Variants in AXDND1 observed in about 807,000 individuals in gnomAD.
AXDND1 encodes axonemal dynein light chain domain-containing protein 1.
In AXDND1, 110 loss-of-function variants were observed where a neutral mutation model predicts 137.5. The observed-to-expected ratio is 0.80, with a 90% CI of 0.69 to 0.94. The LOEUF is 0.94. Among genes scored for constraint, AXDND1 ranks in the 40% least tolerant of loss-of-function variants. The probability of loss-of-function intolerance (pLI) is 0.00; values close to 1 mark genes in which losing one functional copy is unlikely to be tolerated. For missense variants in AXDND1, 1,191 were observed against 1,169.8 expected, an observed-to-expected ratio of 1.02 and a Z score of -0.26; for synonymous variants, 414 against 399.7, an observed-to-expected ratio of 1.04 and a Z score of -0.43.
intron 4 of AXDND1, among the ~76,000 whole-genome samples, chr1:179,374,861 G>A (rs1214344313): frequency 6.7e-6 from 1 of 150,296 alleles, no homozygotes; most frequent in African/African-American, 2.5e-5. Context: ...ACATTAGGAG[G>A]AATACCTAAT....
chr1:179,366,552 TCAA>T lies in AXDND1; in HGVS notation c.46_48del (p.Thr16del). On this transcript the variant is annotated inframe_deletion, in exon 2 of 26. Transcript: ENST00000367618. ...GCCCTCCACCCCGCTAAACTCTACA[TCAA>T]CATCTGAGAGCAAAAAGTTAAAAGT... The T allele has an allele frequency of 6.2e-7, 1 of 1,613,736 alleles. No individual in the cohort carries two copies. The highest frequency in any genetic ancestry group is 8.5e-7 in the Non-Finnish European group (1 of 1,179,810).
intron 23 of AXDND1, among the ~76,000 whole-genome samples, chr1:179,532,768 C>T (rs1671148706): frequency 6.6e-6 from 1 of 151,944 alleles, no homozygotes; most frequent in Non-Finnish European, 1.5e-5. Flanking sequence ...ACCTGTAGTC[C>T]CAGCCACTTG....
rs376189496 is a variant in AXDND1, at chr1:179,488,634, C to CTTTCTTTCTTTCTTTCTTTTT, written c.2092-2904_2092-2903insTTTCTTTCTTTCTTTCTTTTT. Reference sequence around the variant, plus strand: ...TTTCTTTCTTTCTCTCTCTCTCTCTCCTTTCTTTCTTTCTTTCTTTCTTTC... The same window carrying CTTTCTTTCTTTCTTTCTTTTT: ...TTTCTTTCTTTCTCTCTCTCTCTCTCTTTCTTTCTTTCTTTCTTTTTCTTTCTTTCTTTCTTTCTTTCTTTC... On this transcript the variant is annotated intron_variant, in intron 18 of 25. Coordinates refer to ENST00000367618, the MANE Select transcript of AXDND1 (RefSeq NM_144696.6). 2.9e-5 allele frequency among the ~76,000 whole-genome samples: 3 copies of CTTTCTTTCTTTCTTTCTTTTT among 105,254 alleles called. 1 individual carries two copies. The highest frequency in any genetic ancestry group is 1.2e-4 in the African/African-American group (3 of 25,654). The allele number at this position is 105,254 out of a possible 152,430, so 69.1% of individuals were successfully genotyped here.
intron 9 of AXDND1, among the ~76,000 whole-genome samples, chr1:179,391,806 G>A (rs1343658207): frequency 6.6e-6 from 1 of 152,080 alleles, no homozygotes; most frequent in Non-Finnish European, 1.5e-5. Flanking sequence ...CCAAAGTGCT[G>A]GGATTACAGG....
At chr1:179,396,776 T>C (rs1651145251) in intron 11 of AXDND1, among the ~76,000 whole-genome samples, 1 of 152,228 alleles carries the variant, frequency 6.6e-6, no homozygotes, top group Admixed American at 6.5e-5. Context: ...AATTATAATT[T>C]ATGTATTAAT....
chr1:179,534,007 C>A, intron 24 of AXDND1, 130 bp downstream of exon 24: 1 of 682,246 alleles, frequency 1.5e-6, no homozygotes, highest in Middle Eastern at 2.5e-4. Context: ...GGATGTGTAT[C>A]TCCACATGTT....
chr1:179,430,535 A>C lies in AXDND1; in HGVS notation c.1416A>C (p.Gln472His), dbSNP rs780210909. The change falls in exon 14 of 26, where the codon CAA becomes CAC. Residue 472 changes from glutamine to histidine, a missense_variant. By Grantham distance (24) the Gln-to-His change is conservative. Coordinates refer to ENST00000367618, the MANE Select transcript of AXDND1 (RefSeq NM_144696.6). ...ATAAACTTAAACAAGAGGTAGAACA[A>C]ATGGAAGAGTCTACAAGCGAGACAC... ...LVNKLKQEVE[Q>H]MEESTSETLK... 4 of 1,613,988 alleles carry C rather than the reference A, an allele frequency of 2.5e-6. No individual in the cohort carries two copies. In the Admixed American group the frequency reaches 6.7e-5, roughly 27 times the overall value.
chr1:179,411,526 A>G (rs761256569), intron 12 of AXDND1, among the ~76,000 whole-genome samples: 8 of 151,754 alleles, frequency 5.3e-5, no homozygotes, highest in Admixed American at 1.3e-4. Context: ...GCAGTTTTCA[A>G]TAATCTAGAC....
At chr1:179,535,045 C>T (rs565672336) in intron 25 of AXDND1, 83 bp downstream of exon 25, 6 of 1,576,910 alleles carry the variant, frequency 3.8e-6, no homozygotes, top group South Asian at 2.3e-5. Flanking sequence ...TGTAGAAGAA[C>T]ATTAATATAT....
At chr1:179,530,921 C>T (rs746778504) in intron 23 of AXDND1, among the ~76,000 whole-genome samples, 6 of 152,168 alleles carry the variant, frequency 3.9e-5, no homozygotes, top group Non-Finnish European at 8.8e-5. Flanking sequence ...GGGACCACAG[C>T]ATTGCAGTAA....
At position 179,533,855 on chromosome 1, in the gene AXDND1, G is replaced by C. The variant is rs78751980; in HGVS notation, c.2776G>C (p.Glu926Gln). Residue 926 changes from glutamate to glutamine, a missense_variant, in exon 24 of 26, where the codon GAA becomes CAA. Transcript: ENST00000367618. ...QKYLEAMAVI[E>Q]HMQEKLLEVE... is the part of the protein sequence containing the mutation. ...ATATCTTGAAGCAATGGCTGTAATT[G>C]AACATATGCAGGAGAAGTTACTGTA... The C allele has an allele frequency of 1.9e-6, 3 of 1,612,964 alleles. No individual in the cohort carries two copies. The East Asian group carries it at 6.7e-5, about 36-fold the overall frequency.
intron 11 of AXDND1, among the ~76,000 whole-genome samples, chr1:179,406,610 CTTCT>C (rs1291470119): frequency 6.6e-6 from 1 of 152,010 alleles, no homozygotes; most frequent in East Asian, 1.9e-4. Flanking sequence ...ATATAATGAA[CTTCT>C]TTGTCTCTTT....
chr1:179,525,546 G>C lies in AXDND1; in HGVS notation c.2610+99G>C, dbSNP rs1254234799. 5.9e-6 allele frequency: 8 copies of C among 1,361,162 alleles called. No individual in the cohort carries two copies. In the South Asian group the frequency reaches 1.1e-4, roughly 18 times the overall value. The allele number at this position is 1,361,162 out of a possible 1,614,324, so 84.3% of individuals were successfully genotyped here. A position where few individuals can be genotyped will look rare whatever the true frequency, so the allele number is the denominator to read the frequency against. ...GGGTCCTGCCCTGTCACCCAGGTTG[G>C]AGTGCTGTGGTATCATCATAGCTCA... On this transcript the variant is annotated intron_variant, in intron 22 of 25. Transcript: ENST00000367618.
At chr1:179,374,164 G>A (rs1019529949) in intron 4 of AXDND1, among the ~76,000 whole-genome samples, 2 of 152,200 alleles carry the variant, frequency 1.3e-5, no homozygotes, top group Non-Finnish European at 2.9e-5. Flanking sequence ...AGTGGGCAAA[G>A]GATACAAACA....
At chr1:179,430,667 C>G in intron 14 of AXDND1, 61 bp downstream of exon 14, 1 of 1,506,760 alleles carries the variant, frequency 6.6e-7, no homozygotes, top group African/African-American at 1.4e-5. Flanking sequence ...CAGTCAAATT[C>G]TCTGTGTTCC....
At chr1:179,471,124 A>G (rs944062744) in intron 17 of AXDND1, among the ~76,000 whole-genome samples, 3 of 152,176 alleles carry the variant, frequency 2.0e-5, no homozygotes, top group African/African-American at 7.2e-5. Flanking sequence ...AATACTTTTG[A>G]TCAGTTCAGG....
At chr1:179,371,832 T>G (rs1668068682) in intron 4 of AXDND1, among the ~76,000 whole-genome samples, 1 of 152,094 alleles carries the variant, frequency 6.6e-6, no homozygotes, top group South Asian at 2.1e-4. Flanking sequence ...TACTAGAAGT[T>G]AGGAATTCTA....
chr1:179,552,432 G>C (rs1673424113), intron 25 of AXDND1: 9 of 656,574 alleles, frequency 1.4e-5, no homozygotes, highest in Non-Finnish European at 8.4e-6. Flanking sequence ...AGTTGCATTA[G>C]TCAGGGGACT....
In AXDND1 at chr1:179,456,316, C is replaced by T. The variant is rs539877639; in HGVS notation, c.1798+11112C>T. On this transcript the variant is annotated intron_variant, in intron 16 of 25. Coordinates refer to ENST00000367618, the MANE Select transcript of AXDND1 (RefSeq NM_144696.6). Reference sequence around the variant, plus strand: ...TTGACGAAGTATTGGCCTCCACCACCACAGGGGACAGAACTTCTGCCTCCA... The same window carrying T: ...TTGACGAAGTATTGGCCTCCACCACTACAGGGGACAGAACTTCTGCCTCCA... The T allele has an allele frequency of 1.1e-4, 81 of 751,820 alleles. No homozygotes were observed. The East Asian group carries it at 1.9e-3, about 18-fold the overall frequency. 46.6% of individuals were successfully genotyped at this position (751,820 alleles called of 1,614,324 possible).
Sources: gnomAD v4.1 joint callset for allele counts (sites outside exome capture counted in the v4.1 genomes callset) on GRCh38, gnomAD v4.1.1 for gene constraint, MANE v1.5 for transcripts, NCBI Gene and HGNC (gene_info 2026-07-23, HGNC 2026-07-21) for gene names.